PEX14: variants seen among roughly 807,000 people sequenced by gnomAD.
PEX14 encodes the protein peroxisomal biogenesis factor 14.
Under a neutral mutation model 49.5 loss-of-function variants are expected in PEX14, and 15 were observed. That is an observed-to-expected ratio of 0.30 (90% CI 0.20 to 0.47). PEX14 has a LOEUF of 0.47. Ranked by LOEUF, PEX14 falls within the 20% of genes least tolerant of loss-of-function variation. The probability of loss-of-function intolerance (pLI) is 1.00; values close to 1 mark genes in which losing one functional copy is unlikely to be tolerated. For missense variants in PEX14, 398 were observed against 494.8 expected (o/e 0.80, Z 1.86); for synonymous variants, 210 against 212.7 (o/e 0.99, Z 0.11).
chr1:10,610,408 T>TATAC (rs1553119499), intron 4 of PEX14, among the ~76,000 whole-genome samples: 2 of 149,982 alleles, frequency 1.3e-5, no homozygotes, highest in Non-Finnish European at 3.0e-5. Flanking sequence ...CATATATATA[T>TATAC]ACACAGAGAG....
rs1641640630 is a variant in PEX14 at position 10,623,047 on chromosome 1, G to A, written c.413G>A (p.Gly138Asp). Residue 138 changes from glycine to aspartate, a missense_variant, in exon 6 of 9, where the codon GGC (glycine) becomes GAC (aspartate). Physicochemically the swap from Gly to Asp is moderately conservative, Grantham distance 94 (BLOSUM62 -1). This residue lies in a region of PEX14 where 202 missense variants were observed against 298.5 expected (regional missense o/e 0.68). Coordinates refer to ENST00000356607, the MANE Select transcript of PEX14 (RefSeq NM_004565.3). The surrounding 1 kb of genome is among the most constrained non-coding windows in gnomAD (Gnocchi z 4.4). ...KKYLLPLILG[G>D]REDRKQLERM... Reference sequence around the variant, plus strand: ...TACCTGCTCCCCCTCATCCTGGGCGGCCGAGAGGACAGAAAGCAGCTGGAG... The same window carrying A: ...TACCTGCTCCCCCTCATCCTGGGCGACCGAGAGGACAGAAAGCAGCTGGAG... 7 of 1,613,640 alleles carry A rather than the reference G, an allele frequency of 4.3e-6. No homozygotes were observed. The highest frequency in any genetic ancestry group is 1.1e-5 in the South Asian group (1 of 90,988).
intron 2 of PEX14, among the ~76,000 whole-genome samples, chr1:10,497,972 T>C (rs1641598604): frequency 6.6e-6 from 1 of 152,208 alleles, no homozygotes; most frequent in Admixed American, 6.5e-5. Context: ...AAATAATTTT[T>C]CCCCTTATTA....
chr1:10,592,707 C>G (rs1212731065), intron 3 of PEX14, among the ~76,000 whole-genome samples: 1 of 152,242 alleles, frequency 6.6e-6, no homozygotes, highest in Non-Finnish European at 1.5e-5. Context: ...AGTAAATGTA[C>G]AGAAACTTTC....
chr1:10,477,551 C>T (rs11581532), intron 1 of PEX14, among the ~76,000 whole-genome samples: 3,404 of 152,322 alleles, frequency 0.022, 51 homozygotes, highest in Non-Finnish European at 0.037. Context: ...CTAATTCCCC[C>T]ACGCCTTGTT....
At chr1:10,610,837 C>T (rs1641259482) in intron 4 of PEX14, among the ~76,000 whole-genome samples, 1 of 152,192 alleles carries the variant, frequency 6.6e-6, no homozygotes, top group South Asian at 2.1e-4. Flanking sequence ...CCACATATCT[C>T]TGTCACATGT....
chr1:10,625,696 C>T (rs1641725275), intron 7 of PEX14, among the ~76,000 whole-genome samples: 1 of 152,254 alleles, frequency 6.6e-6, no homozygotes, highest in African/African-American at 2.4e-5. Context: ...TGCCTGCTCT[C>T]CTGGGTCAGG....
intron 1 of PEX14, among the ~76,000 whole-genome samples, chr1:10,483,145 C>G (rs183534657): frequency 2.6e-5 from 4 of 152,274 alleles, no homozygotes; most frequent in African/African-American, 9.6e-5. Flanking sequence ...GCTTTCTTTG[C>G]AACTTTGCTA....
intron 3 of PEX14, among the ~76,000 whole-genome samples, chr1:10,562,377 T>G (rs1467618878): frequency 6.6e-6 from 1 of 152,260 alleles, no homozygotes; most frequent in African/African-American, 2.4e-5. Context: ...AAAGATTTTT[T>G]TCTAGCCCAC....
In PEX14 at chr1:10,514,160, G is replaced by C. The variant is rs1167529718; in HGVS notation, c.84+18839G>C. Among the ~76,000 whole-genome samples the C allele has an allele frequency of 0.018, 2,063 of 116,572 alleles. 43 individuals are homozygous for C. The highest frequency in any genetic ancestry group is 0.1 in the African/African-American group (1,932 of 19,252). The allele number at this position is 116,572 out of a possible 152,430, so 76.5% of individuals were successfully genotyped here. ...TGTATAAAATAATCTATGCCTCTGTGTGTGTGTGTGTGTGTGTGTGTGTGT... is the reference window on the plus strand; with the variant it reads ...TGTATAAAATAATCTATGCCTCTGTCTGTGTGTGTGTGTGTGTGTGTGTGT... On this transcript the variant is annotated intron_variant, in intron 2 of 8. Coordinates refer to ENST00000356607, the MANE Select transcript of PEX14 (RefSeq NM_004565.3). This position sits in a 1 kb window ranked among gnomAD's most constrained non-coding sequence, Gnocchi z 4.4.
At chr1:10,558,344 T>C (rs899248178) in intron 3 of PEX14, among the ~76,000 whole-genome samples, 2 of 152,084 alleles carry the variant, frequency 1.3e-5, no homozygotes, top group Non-Finnish European at 2.9e-5. Context: ...AGAATCACTT[T>C]TATCATCTTC....
intron 4 of PEX14, among the ~76,000 whole-genome samples, chr1:10,612,457 G>T (rs775506003): frequency 6.6e-6 from 1 of 152,164 alleles, no homozygotes; most frequent in African/African-American, 2.4e-5. Flanking sequence ...AAGTGGAAAA[G>T]ATTGTCTTTC....
intron 3 of PEX14, among the ~76,000 whole-genome samples, chr1:10,554,016 G>A (rs543342344): frequency 6.6e-6 from 1 of 152,026 alleles, no homozygotes; most frequent in Admixed American, 6.5e-5. Flanking sequence ...TGGGCCGGGC[G>A]CGGTGGCTCA....
At chr1:10,524,970 G>T (rs1476051267) in intron 2 of PEX14, among the ~76,000 whole-genome samples, 1 of 152,204 alleles carries the variant, frequency 6.6e-6, no homozygotes, top group Non-Finnish European at 1.5e-5. Flanking sequence ...AATTATAGGC[G>T]TGGGCCACCA....
In PEX14 at chr1:10,629,904, C is replaced by G; in HGVS notation, c.1051C>G (p.Arg351Gly). 6 of 1,613,270 alleles carry G rather than the reference C, an allele frequency of 3.7e-6. No homozygotes were observed. The highest frequency in any genetic ancestry group is 5.1e-6 in the Non-Finnish European group (6 of 1,179,844). ...DCLGVQREDR[R>G]GGDGQINEQV... is the part of the protein sequence containing the mutation. ...CCTGGGGGTGCAGAGGGAGGACCGC[C>G]GGGGCGGGGATGGGCAGATCAACGA... is the stretch of plus-strand genomic sequence containing the variant. The change falls in exon 9 of 9, where the codon CGG becomes GGG. Residue 351 changes from arginine (R) to glycine (G), a missense_variant. By Grantham distance (125) the Arg-to-Gly change is moderately radical. Coordinates refer to ENST00000356607, the MANE Select transcript of PEX14 (RefSeq NM_004565.3). The surrounding 1 kb of genome is among the most constrained non-coding windows in gnomAD (Gnocchi z 8.5).
At chr1:10,548,878 G>C (rs1015191634) in intron 3 of PEX14, among the ~76,000 whole-genome samples, 2 of 152,204 alleles carry the variant, frequency 1.3e-5, no homozygotes, top group Non-Finnish European at 2.9e-5. Context: ...TCAACATCCT[G>C]ATAGGAGCTG....
intron 2 of PEX14, among the ~76,000 whole-genome samples, chr1:10,517,733 G>A (rs1042224451): frequency 2.0e-5 from 3 of 151,116 alleles, no homozygotes; most frequent in Non-Finnish European, 4.4e-5. Flanking sequence ...GTGACCGAGA[G>A]GCTAGCATTG....
chr1:10,495,243 A>T lies in PEX14; in HGVS notation c.37-31A>T. On this transcript the variant is annotated intron_variant, in intron 1 of 8. Coordinates refer to ENST00000356607, the MANE Select transcript of PEX14 (RefSeq NM_004565.3). The surrounding 1 kb of genome is among the most constrained non-coding windows in gnomAD (Gnocchi z 4.2). ...TTGATGTCCATTGGGTGGCACTGTGATCTTATTTTTGTTTCCATTTTTCTC... is the reference window on the plus strand; with the variant it reads ...TTGATGTCCATTGGGTGGCACTGTGTTCTTATTTTTGTTTCCATTTTTCTC... The T allele has an allele frequency of 6.2e-7, 1 of 1,611,346 alleles. No individual in the cohort carries two copies. The highest frequency in any genetic ancestry group is 1.1e-5 in the South Asian group (1 of 90,990).
chr1:10,560,720 T>TTTTTC (rs1240394126), intron 3 of PEX14, among the ~76,000 whole-genome samples: 1 of 146,818 alleles, frequency 6.8e-6, no homozygotes, highest in Non-Finnish European at 1.5e-5. Context: ...TTTGCCACCT[T>TTTTTC]TTTTTTTTTT....
chr1:10,478,472 CA>C (rs1641232090), intron 1 of PEX14, among the ~76,000 whole-genome samples: 1 of 152,140 alleles, frequency 6.6e-6, no homozygotes, highest in South Asian at 2.1e-4. Flanking sequence ...ATTTCAGGAA[CA>C]TACTTACTTT....
Sources: allele counts gnomAD v4.1 joint callset (sites outside exome capture counted in the v4.1 genomes callset), GRCh38; gene constraint gnomAD v4.1.1; regional missense constraint gnomAD v4.1.1; non-coding constraint Gnocchi (gnomAD v3.1); transcripts MANE v1.5; gene names NCBI Gene and HGNC (gene_info 2026-07-23, HGNC 2026-07-21).